Variants in IRAG1 observed in about 807,000 individuals in gnomAD.
The protein encoded by IRAG1 is inositol 1,4,5-triphosphate receptor associated 1, also known as IP3R-associated cGMP kinase substrate.
In IRAG1, 62 loss-of-function variants were observed where a neutral mutation model predicts 106.2. That is an observed-to-expected ratio of 0.58 (90% CI 0.48 to 0.72). The LOEUF (loss-of-function observed/expected upper bound fraction) is 0.72. IRAG1 is among the 30% of genes least tolerant of loss of function. The pLI is 0.00. For missense variants in IRAG1, 1,064 were observed against 1,140.7 expected (o/e 0.93, Z 0.97); for synonymous variants, 462 against 443.9 (o/e 1.04, Z -0.51).
chr11:10,618,030 T>C (rs1203174190), intron 10 of IRAG1, among the ~76,000 whole-genome samples: 1 of 152,228 alleles, frequency 6.6e-6, no homozygotes, highest in Admixed American at 6.5e-5. Flanking sequence ...AAATTCAAAC[T>C]CATTAATTGG....
intron 14 of IRAG1, among the ~76,000 whole-genome samples, chr11:10,601,523 C>T (rs754279270): frequency 7.2e-5 from 11 of 152,250 alleles, no homozygotes; most frequent in South Asian, 2.1e-4. Context: ...AAAGGCACGA[C>T]GACAAATTAT....
rs1056725991 is a variant in IRAG1 at position 10,573,761 on chromosome 11, C to T, written c.*2571G>A. ...GGTAGGAAACTTGTGACCAAGTGAA[C>T]AATGGGGCCAGCTGAGCCTGGCCCT... On this transcript the variant is annotated 3_prime_UTR_variant, in exon 21 of 21. Coordinates refer to ENST00000423302, the MANE Select transcript of IRAG1 (RefSeq NM_130385.4). The T allele has an allele frequency of 6.6e-6, 1 of 152,210 alleles. No homozygotes were observed. The highest frequency in any genetic ancestry group is 1.5e-5 in the Non-Finnish European group (1 of 68,058). The allele number at this position is 152,210 out of a possible 1,614,324, so 9.4% of individuals were successfully genotyped here. A position where few individuals can be genotyped will look rare whatever the true frequency, so the allele number is the denominator to read the frequency against.
intron 18 of IRAG1, among the ~76,000 whole-genome samples, chr11:10,582,753 C>T (rs1037303656): frequency 1.3e-5 from 2 of 152,138 alleles, no homozygotes; most frequent in African/African-American, 2.4e-5. Context: ...ATCAGGAGTT[C>T]GAGACCAGCC....
intron 2 of IRAG1, among the ~76,000 whole-genome samples, chr11:10,636,768 A>T (rs562410835): frequency 6.6e-6 from 1 of 152,260 alleles, no homozygotes; most frequent in Non-Finnish European, 1.5e-5. Flanking sequence ...AGAAGACTCT[A>T]TAGAGGAGTG....
intron 14 of IRAG1, 75 bp from the exon 15 acceptor site, chr11:10,601,134 A>G (rs934783196): frequency 1.2e-5 from 19 of 1,575,098 alleles, no homozygotes; most frequent in Non-Finnish European, 1.6e-5. Context: ...GCTCTGACCT[A>G]GGGTCTGGGC....
chr11:10,592,055 C>T (rs1852735219), intron 17 of IRAG1, among the ~76,000 whole-genome samples: 1 of 152,204 alleles, frequency 6.6e-6, no homozygotes. Flanking sequence ...AGATGCAAAT[C>T]ACTACTGAAA....
intron 4 of IRAG1, 58 bp downstream of exon 4, chr11:10,631,933 G>T: frequency 6.8e-7 from 1 of 1,472,684 alleles, no homozygotes; most frequent in Non-Finnish European, 9.5e-7. Context: ...GTCAAGCCCA[G>T]CCACGCTGCC....
At position 10,609,906 on chromosome 11, in the gene IRAG1, T is replaced by C. The variant is rs147730230; in HGVS notation, c.1448-55A>G. On this transcript the variant is annotated intron_variant, in intron 10 of 20. Transcript: ENST00000423302. ...TCTCTTTGAAATCACAGTAGTACTGTTGGCAGCTAGCTTCAGGAGCTTTGA... is the reference window on the plus strand; with the variant it reads ...TCTCTTTGAAATCACAGTAGTACTGCTGGCAGCTAGCTTCAGGAGCTTTGA... The C allele has an allele frequency of 6.8e-4, 1,064 of 1,571,558 alleles. 4 individuals carry two copies. In the Middle Eastern group the frequency reaches 0.012, roughly 18 times the overall value.
intron 1 of IRAG1, among the ~76,000 whole-genome samples, chr11:10,653,320 G>A (rs975824860): frequency 6.6e-6 from 1 of 152,200 alleles, no homozygotes; most frequent in Non-Finnish European, 1.5e-5. Flanking sequence ...ACACTTTCTG[G>A]ACTAGCTGGT....
At chr11:10,679,950 C>T (rs1295395474) in intron 1 of IRAG1, among the ~76,000 whole-genome samples, 1 of 152,052 alleles carries the variant, frequency 6.6e-6, no homozygotes, top group Non-Finnish European at 1.5e-5. Flanking sequence ...AAACGTTTTT[C>T]CAAGGAGTAT....
At chr11:10,676,207 A>T (rs1349198196) in intron 1 of IRAG1, among the ~76,000 whole-genome samples, 1 of 152,078 alleles carries the variant, frequency 6.6e-6, no homozygotes, top group African/African-American at 2.4e-5. Flanking sequence ...GTGATGGAGG[A>T]GTGAGGAGGG....
intron 10 of IRAG1, among the ~76,000 whole-genome samples, chr11:10,617,531 G>C (rs931509301): frequency 3.3e-5 from 5 of 152,184 alleles, no homozygotes; most frequent in Non-Finnish European, 5.9e-5. Context: ...ATTTTCTGGA[G>C]AAACTGAAGC....
At chr11:10,684,071 T>C (rs929249566) in intron 1 of IRAG1, among the ~76,000 whole-genome samples, 12 of 152,170 alleles carry the variant, frequency 7.9e-5, no homozygotes, top group Admixed American at 3.3e-4. Context: ...ACTAATAAGA[T>C]GCAACATCCA....
chr11:10,627,680 C>T (rs1211085031), intron 8 of IRAG1, 36 bp downstream of exon 8: 10 of 1,613,128 alleles, frequency 6.2e-6, no homozygotes, highest in East Asian at 4.5e-5. Context: ...GCCCCCCACA[C>T]TCAAATCATC....
At chr11:10,689,313 C>T (rs1272371640) in intron 1 of IRAG1, among the ~76,000 whole-genome samples, 1 of 152,188 alleles carries the variant, frequency 6.6e-6, no homozygotes, top group Non-Finnish European at 1.5e-5. Flanking sequence ...GGAAGTCCTG[C>T]AGCAATTCTC....
At chr11:10,664,798 A>G (rs1427944499) in intron 1 of IRAG1, among the ~76,000 whole-genome samples, 1 of 152,150 alleles carries the variant, frequency 6.6e-6, no homozygotes, top group Admixed American at 6.5e-5. Flanking sequence ...TGAGTTCCAG[A>G]GGGTGAAAGC....
chr11:10,594,272 A>G, intron 15 of IRAG1, 77 bp from the exon 16 acceptor site: 2 of 1,393,132 alleles, frequency 1.4e-6, no homozygotes, highest in Non-Finnish European at 2.0e-6. Context: ...AAACTAGGCT[A>G]TCGTATCCAT....
In IRAG1 at chr11:10,628,715, G is replaced by A; in HGVS notation, c.652+36C>T. 6.7e-7 allele frequency: 1 copy of A among 1,483,724 alleles called. No homozygotes were observed. Among genetic ancestry groups the A allele is most frequent in the South Asian group, 1.3e-5 (1 of 75,102 alleles). 91.9% of individuals were successfully genotyped at this position (1,483,724 alleles called of 1,614,324 possible). A position where few individuals can be genotyped will look rare whatever the true frequency, so the allele number is the denominator to read the frequency against. On this transcript the variant is annotated intron_variant, in intron 6 of 20. Transcript: ENST00000423302. This position sits in a 1 kb window ranked among gnomAD's most constrained non-coding sequence, Gnocchi z 4.1. ...GGCTGAGCTGCCACCCAGAGCGAGA[G>A]GCAGGGCAGGAAGTCCCCGGGCAGC...
intron 3 of IRAG1, among the ~76,000 whole-genome samples, chr11:10,633,089 T>TG (rs1456313011): frequency 1.3e-5 from 2 of 150,346 alleles, no homozygotes; most frequent in African/African-American, 2.4e-5. Flanking sequence ...TTTTTTTTTT[T>TG]TTTGAGACGG....
Sources: gnomAD v4.1 joint callset for allele counts (sites outside exome capture counted in the v4.1 genomes callset) on GRCh38, gnomAD v4.1.1 for gene constraint, Gnocchi (gnomAD v3.1) non-coding constraint, MANE v1.5 for transcripts, NCBI Gene and HGNC (gene_info 2026-07-23, HGNC 2026-07-21) for gene names.